MAPKBP1: variants seen among roughly 807,000 people sequenced by gnomAD.
The protein encoded by MAPKBP1 is mitogen-activated protein kinase binding protein 1.
Under a neutral mutation model 170.5 loss-of-function variants are expected in MAPKBP1, and 71 were observed. The ratio of observed to expected loss-of-function variants is 0.42; its 90% CI spans 0.34 to 0.51. The LOEUF is 0.51. Ranked by LOEUF, MAPKBP1 falls within the 20% of genes least tolerant of loss-of-function variation. The probability of loss-of-function intolerance (pLI) is 0.06; values close to 1 mark genes in which losing one functional copy is unlikely to be tolerated. For missense variants in MAPKBP1, 1,598 were observed against 1,933.0 expected (o/e 0.83, Z 3.25); for synonymous variants, 719 against 757.9 (o/e 0.95, Z 0.84).
chr15:41,802,291 C>T (rs1474563614), intron 3 of MAPKBP1, among the ~76,000 whole-genome samples: 3 of 152,140 alleles, frequency 2.0e-5, no homozygotes, highest in Non-Finnish European at 4.4e-5. Context: ...CATTACTGTA[C>T]ACTTTACAAA....
At chr15:41,819,557 G>GGGGCCCCCCCCCC in intron 21 of MAPKBP1, 38 bp from the exon 22 acceptor site, 2 of 1,384,676 alleles carry the variant, frequency 1.4e-6, no homozygotes, top group African/African-American at 1.5e-5. Flanking sequence ...CGGGGGGGGG[G>GGGGCCCCCCCCCC]CAGGAGACAC....
chr15:41,821,413 C>G, intron 23 of MAPKBP1, 171 bp from the exon 24 acceptor site: 1 of 650,938 alleles, frequency 1.5e-6, no homozygotes, highest in Non-Finnish European at 2.7e-6. Flanking sequence ...CCTGGCTTCT[C>G]GATGTCTGTC....
intron 3 of MAPKBP1, among the ~76,000 whole-genome samples, chr15:41,802,177 A>G (rs1056237722): frequency 6.6e-6 from 1 of 152,226 alleles, no homozygotes; most frequent in Non-Finnish European, 1.5e-5. Context: ...TATTTTAAAA[A>G]GGCACACCTG....
rs773930930 is a variant in MAPKBP1, at chr15:41,823,605, T to C, written c.3757T>C (p.Ser1253Pro). 2.5e-6 allele frequency: 4 copies of C among 1,613,996 alleles called. No homozygotes were observed. Among genetic ancestry groups the C allele is most frequent in the African/African-American group, 2.7e-5 (2 of 74,900 alleles). ...NPTTSSMAKI[S>P]RSISVGENLG... ...CACCACCAGTTCCATGGCCAAGATA[T>C]CCCGCAGTATCTCTGTTGGGGAGAA... is the stretch of plus-strand genomic sequence containing the variant. The change falls in exon 29 of 31, where the codon TCC becomes CCC. Residue 1253 changes from serine (S) to proline (P), a missense_variant. Physicochemically the swap from Ser to Pro is moderately conservative, Grantham distance 74. Around this residue, in one of 6 missense-constraint regions of MAPKBP1, gnomAD observed 942 missense variants for 953.2 expected, o/e 0.99. Coordinates refer to ENST00000457542, the MANE Select transcript of MAPKBP1 (RefSeq NM_014994.3).
At chr15:41,804,051 G>A (rs763944945) in intron 3 of MAPKBP1, among the ~76,000 whole-genome samples, 1 of 152,184 alleles carries the variant, frequency 6.6e-6, no homozygotes, top group Admixed American at 6.5e-5. Context: ...TGTTGGTCAG[G>A]CTGGTCTCAA....
chr15:41,791,514 T>C (rs914895432), intron 2 of MAPKBP1, among the ~76,000 whole-genome samples: 7 of 152,230 alleles, frequency 4.6e-5, no homozygotes, highest in Non-Finnish European at 7.3e-5. Context: ...CTCGCTTCCA[T>C]TGGCTAGTGC....
intron 2 of MAPKBP1, among the ~76,000 whole-genome samples, chr15:41,783,520 A>G (rs2064225696): frequency 6.6e-6 from 1 of 152,156 alleles, no homozygotes; most frequent in Non-Finnish European, 1.5e-5. Flanking sequence ...GTCTTGCCTA[A>G]TCTCGAATGT....
At chr15:41,794,094 C>T (rs562899026) in intron 2 of MAPKBP1, among the ~76,000 whole-genome samples, 6 of 152,058 alleles carry the variant, frequency 3.9e-5, no homozygotes, top group Admixed American at 2.0e-4. Flanking sequence ...TAGCCAGACA[C>T]GATGGTGGGT....
intron 4 of MAPKBP1, 77 bp from the exon 5 acceptor site, chr15:41,811,101 C>T: frequency 1.3e-6 from 2 of 1,580,328 alleles, no homozygotes; most frequent in South Asian, 1.1e-5. Flanking sequence ...GCTGGTCTCA[C>T]CTTTTGAGAG....
chr15:41,785,871 T>A (rs534321013), intron 2 of MAPKBP1, among the ~76,000 whole-genome samples: 1 of 152,364 alleles, frequency 6.6e-6, no homozygotes, highest in Admixed American at 6.5e-5. Flanking sequence ...TACCTTTTGA[T>A]TCAGCAGTTA....
intron 2 of MAPKBP1, among the ~76,000 whole-genome samples, chr15:41,786,388 C>T (rs539984184): frequency 6.6e-6 from 1 of 152,144 alleles, no homozygotes; most frequent in South Asian, 2.1e-4. Context: ...ATGTGTATTT[C>T]ATATGTAAAT....
At chr15:41,812,213 C>A in intron 6 of MAPKBP1, 86 bp downstream of exon 6, 1 of 1,502,322 alleles carries the variant, frequency 6.7e-7, no homozygotes, top group Non-Finnish European at 9.2e-7. Context: ...CTGCACTGCT[C>A]CATTCCACCC....
In MAPKBP1 at chr15:41,778,310, CAAA is replaced by C. The variant is rs2064130137; in HGVS notation, c.114+2922_114+2924del. ...AAAACTACGATTAATAAAATGGTGA[CAAA>C]GAAGTAGAGATGCAGCCTAATTAGG... is the stretch of plus-strand genomic sequence containing the variant. On this transcript the variant is annotated intron_variant, in intron 2 of 30. Transcript: ENST00000457542. Among the ~76,000 whole-genome samples, 3 of 152,210 alleles carry C rather than the reference CAAA, an allele frequency of 2.0e-5. No homozygotes were observed. The East Asian group carries it at 5.8e-4, about 29-fold the overall frequency.
At chr15:41,775,935 C>A (rs1039563151) in intron 2 of MAPKBP1, among the ~76,000 whole-genome samples, 1 of 152,200 alleles carries the variant, frequency 6.6e-6, no homozygotes, top group African/African-American at 2.4e-5. Context: ...GAATAACATG[C>A]AAGAAGCCAG....
intron 2 of MAPKBP1, among the ~76,000 whole-genome samples, chr15:41,786,621 T>C (rs969396121): frequency 1.9e-4 from 29 of 150,018 alleles, no homozygotes; most frequent in Non-Finnish European, 3.7e-4. Context: ...AAAAATTAGC[T>C]GGGCGTGGTG....
intron 3 of MAPKBP1, among the ~76,000 whole-genome samples, chr15:41,806,988 CG>C (rs2064709013): frequency 1.3e-5 from 2 of 152,172 alleles, no homozygotes; most frequent in Admixed American, 6.5e-5. Flanking sequence ...TGTGTAGCTG[CG>C]ACCGTGGTTG....
intron 6 of MAPKBP1, 151 bp from the exon 7 acceptor site, chr15:41,812,365 A>T: frequency 8.2e-7 from 1 of 1,222,426 alleles, no homozygotes; most frequent in Non-Finnish European, 1.2e-6. Context: ...CTAGAAAGGG[A>T]TTATTTCCCT....
chr15:41,803,413 CAA>C (rs1166671811), intron 3 of MAPKBP1, among the ~76,000 whole-genome samples: 7 of 11,270 alleles, frequency 6.2e-4, no homozygotes, highest in African/African-American at 8.4e-4. Context: ...GACTCCATCT[CAA>C]AAAAAAAAAA....
intron 30 of MAPKBP1, 57 bp downstream of exon 30, chr15:41,824,626 T>C (rs1166884507): frequency 1.2e-5 from 17 of 1,473,472 alleles, no homozygotes; most frequent in South Asian, 9.7e-5. Context: ...GCTGGGTGTT[T>C]CGGATAACCA....
Sources: allele counts gnomAD v4.1 joint callset (sites outside exome capture counted in the v4.1 genomes callset), GRCh38; gene constraint gnomAD v4.1.1; regional missense constraint gnomAD v4.1.1; transcripts MANE v1.5; gene names NCBI Gene and HGNC (gene_info 2026-07-23, HGNC 2026-07-21).